Variants in MFAP3L observed in about 807,000 individuals in gnomAD.
The protein encoded by MFAP3L is microfibrillar-associated protein 3-like.
Under a neutral mutation model 20.0 loss-of-function variants are expected in MFAP3L, and 5 were observed. The ratio of observed to expected loss-of-function variants is 0.25; its 90% CI spans 0.13 to 0.53. The LOEUF (loss-of-function observed/expected upper bound fraction) is 0.53. MFAP3L is among the 20% of genes least tolerant of loss of function. The pLI is 0.96. For synonymous variants in MFAP3L, 219 were observed against 213.0 expected, an observed-to-expected ratio of 1.03 and a Z score of -0.25; for missense variants, 409 against 527.5, an observed-to-expected ratio of 0.78 and a Z score of 2.20.
At chr4:170,022,771 A>G (rs1383315955) in intron 1 of MFAP3L, among the ~76,000 whole-genome samples, 1 of 152,216 alleles carries the variant, frequency 6.6e-6, no homozygotes, top group Non-Finnish European at 1.5e-5. Flanking sequence ...ATGGGGCTAC[A>G]AAACAAGGAA....
At chr4:170,025,263 G>A (rs1312771631) in intron 1 of MFAP3L, among the ~76,000 whole-genome samples, 1 of 152,110 alleles carries the variant, frequency 6.6e-6, no homozygotes, top group African/African-American at 2.4e-5. Flanking sequence ...ACTATGTTCA[G>A]CATAGTAGCA....
chr4:169,987,536 T>C lies in MFAP3L; in HGVS notation c.*3842A>G, dbSNP rs920571778. ...AACCACAGTGACTGCCACTGAAGAG[T>C]TTTAGCACTGATCAACACTGTATTT... On this transcript the variant is annotated 3_prime_UTR_variant, in exon 3 of 3. Coordinates refer to ENST00000361618, the MANE Select transcript of MFAP3L (RefSeq NM_021647.8). 2.6e-5 allele frequency: 4 copies of C among 151,976 alleles called. No individual in the cohort carries two copies. In the East Asian group the frequency reaches 7.7e-4, roughly 29 times the overall value. 9.4% of individuals were successfully genotyped at this position (151,976 alleles called of 1,614,324 possible).
At chr4:170,024,673 T>C (rs1740241505) in intron 1 of MFAP3L, among the ~76,000 whole-genome samples, 1 of 152,190 alleles carries the variant, frequency 6.6e-6, no homozygotes, top group African/African-American at 2.4e-5. Context: ...TTCTAATTCA[T>C]AAAAATGGTA....
chr4:170,026,344 G>T lies in MFAP3L; in HGVS notation c.-244C>A. 1.0e-6 allele frequency: 1 copy of T among 953,984 alleles called. No individual in the cohort carries two copies. The highest frequency in any genetic ancestry group is 1.2e-6 in the Non-Finnish European group (1 of 802,222). 59.1% of individuals were successfully genotyped at this position (953,984 alleles called of 1,614,324 possible). ...CGGACGCCCGGTAGCGCCTACTGCG[G>T]GCGAGCCGCCTCCGCCGGCGCCTCA... On this transcript the variant is annotated 5_prime_UTR_variant, in exon 1 of 3. Transcript: ENST00000361618.
chr4:169,991,529 G>A lies in MFAP3L; in HGVS notation c.1079C>T (p.Ser360Phe). ...AEHSPETAEP[S>F]TDVTSTELTS... ...TAGCTCGGTGGACGTGACATCGGTAGAAGGTTCTGCAGTTTCGGGGGAATG... is the reference window on the plus strand; with the variant it reads ...TAGCTCGGTGGACGTGACATCGGTAAAAGGTTCTGCAGTTTCGGGGGAATG... Residue 360 changes from serine (S) to phenylalanine (F), a missense_variant, in exon 3 of 3, where the codon TCT (serine) becomes TTT (phenylalanine). Ser to Phe is a radical substitution (Grantham distance 155). Transcript: ENST00000361618. This position sits in a 1 kb window ranked among gnomAD's most constrained non-coding sequence, Gnocchi z 4.9. 1.9e-6 allele frequency: 3 copies of A among 1,614,148 alleles called. No individual in the cohort carries two copies. The highest frequency in any genetic ancestry group is 2.5e-6 in the Non-Finnish European group (3 of 1,180,030).
chr4:170,016,675 T>C (rs1391570331), intron 1 of MFAP3L, among the ~76,000 whole-genome samples: 2 of 152,230 alleles, frequency 1.3e-5, no homozygotes, highest in East Asian at 1.9e-4. Flanking sequence ...AAGCAAACAC[T>C]TGAATATCTG....
intron 1 of MFAP3L, among the ~76,000 whole-genome samples, chr4:170,021,687 C>A (rs1581529339): frequency 6.6e-6 from 1 of 152,172 alleles, no homozygotes. Context: ...TTTCTGGACA[C>A]AGAGATGTCA....
At chr4:170,000,309 C>A (rs1738523705) in intron 2 of MFAP3L, among the ~76,000 whole-genome samples, 1 of 152,108 alleles carries the variant, frequency 6.6e-6, no homozygotes, top group African/African-American at 2.4e-5. Flanking sequence ...ATTTCTTTTG[C>A]ATTTGCTGAG....
Position 169,992,371 on chromosome 4 carries a change from A to T in MFAP3L, c.299-62T>A. 1 of 1,366,010 alleles carries T rather than the reference A, an allele frequency of 7.3e-7. No individual in the cohort carries two copies. The highest frequency in any genetic ancestry group is 1.0e-6 in the Non-Finnish European group (1 of 990,300). The allele number at this position is 1,366,010 out of a possible 1,614,324, so 84.6% of individuals were successfully genotyped here. A position where few individuals can be genotyped will look rare whatever the true frequency, so the allele number is the denominator to read the frequency against. On this transcript the variant is annotated intron_variant, in intron 2 of 2. Coordinates refer to ENST00000361618, the MANE Select transcript of MFAP3L (RefSeq NM_021647.8). The surrounding 1 kb of genome is among the most constrained non-coding windows in gnomAD (Gnocchi z 4.3). The stretch of plus-strand genomic sequence containing the variant: ...ACAGAGCTCCCATGACTACAAACTG[A>T]TACGTTTCTAAGAACATCTATGAAC...
At chr4:170,006,526 G>A (rs1739047104) in intron 1 of MFAP3L, 1 of 152,118 alleles carries the variant, frequency 6.6e-6, no homozygotes, top group Non-Finnish European at 1.5e-5. Context: ...AGATTTTATA[G>A]GAACAAATAT....
intron 2 of MFAP3L, among the ~76,000 whole-genome samples, chr4:170,000,508 C>G (rs1261881939): frequency 1.3e-5 from 2 of 152,022 alleles, no homozygotes; most frequent in African/African-American, 4.8e-5. Flanking sequence ...TTCCAGGTAC[C>G]TCTGCTAAGC....
intron 2 of MFAP3L, chr4:170,005,362 TTC>T: frequency 3.4e-6 from 2 of 587,140 alleles, no homozygotes; most frequent in Non-Finnish European, 5.9e-6. Context: ...TTAAAAAGAC[TTC>T]TGTGTTTGTC....
chr4:170,009,988 A>T (rs2111024155), intron 1 of MFAP3L, among the ~76,000 whole-genome samples: 1 of 152,162 alleles, frequency 6.6e-6, no homozygotes. Context: ...TGCAACACCT[A>T]CTGAGAGTTA....
At chr4:170,019,471 G>C (rs1016264763) in intron 1 of MFAP3L, among the ~76,000 whole-genome samples, 21 of 152,158 alleles carry the variant, frequency 1.4e-4, no homozygotes, top group Non-Finnish European at 7.4e-5. Flanking sequence ...CTGAGCCCAG[G>C]AGTTTGAGGC....
At chr4:170,013,951 T>C (rs896923073) in intron 1 of MFAP3L, among the ~76,000 whole-genome samples, 6 of 152,194 alleles carry the variant, frequency 3.9e-5, no homozygotes, top group African/African-American at 1.4e-4. Flanking sequence ...GGAAACTGAA[T>C]AGAAATGGGA....
intron 1 of MFAP3L, among the ~76,000 whole-genome samples, chr4:170,007,307 C>T (rs984215166): frequency 1.3e-5 from 2 of 152,168 alleles, no homozygotes; most frequent in African/African-American, 4.8e-5. Context: ...ATGATAGACA[C>T]CCTGCCATGA....
At chr4:170,012,925 T>C (rs370510606) in intron 1 of MFAP3L, among the ~76,000 whole-genome samples, 2 of 152,228 alleles carry the variant, frequency 1.3e-5, no homozygotes, top group East Asian at 1.9e-4. Context: ...ACTACACTAA[T>C]GTTCGGCCTC....
At chr4:170,004,088 C>G (rs1451115009) in intron 2 of MFAP3L, among the ~76,000 whole-genome samples, 1 of 152,174 alleles carries the variant, frequency 6.6e-6, no homozygotes. Context: ...TCCTGAGTAG[C>G]TGGAATTACA....
chr4:170,026,120 A>G, intron 1 of MFAP3L, 114 bp downstream of exon 1: 1 of 546,276 alleles, frequency 1.8e-6, no homozygotes, highest in Non-Finnish European at 2.3e-6. Flanking sequence ...AGTCTCAGCC[A>G]GCCCAAACAC....
Sources: gnomAD v4.1 joint callset for allele counts (sites outside exome capture counted in the v4.1 genomes callset) on GRCh38, gnomAD v4.1.1 for gene constraint, Gnocchi (gnomAD v3.1) non-coding constraint, MANE v1.5 for transcripts, NCBI Gene and HGNC (gene_info 2026-07-23, HGNC 2026-07-21) for gene names.